LARGE1: variants seen among roughly 807,000 people sequenced by gnomAD.
The protein encoded by LARGE1 is LARGE xylosyl- and glucuronyltransferase 1.
A neutral mutation model predicts 87.6 loss-of-function variants in LARGE1; 43 were observed. That is an observed-to-expected ratio of 0.49 (90% CI 0.38 to 0.63). The LOEUF (loss-of-function observed/expected upper bound fraction) is 0.63, where lower values mean the gene tolerates loss of function less well. LARGE1 is among the 30% of genes least tolerant of loss of function. LARGE1 has a pLI of 0.00. For missense variants in LARGE1, 802 were observed against 1,000.2 expected (o/e 0.80, Z 2.67); for synonymous variants, 434 against 394.6 (o/e 1.10, Z -1.18).
chr22:33,603,710 G>A lies in LARGE1; in HGVS notation c.615+725C>T, dbSNP rs940830973. On this transcript the variant is annotated intron_variant, in intron 5 of 14. Transcript: ENST00000397394. ...TGCTACTTAGAGTTAAAGGAATAGC[G>A]AAGGTTTACGGGAATGCCAGTGACA... Among the ~76,000 whole-genome samples, 4 of 152,164 alleles carry A rather than the reference G, an allele frequency of 2.6e-5. No homozygotes were observed. In the South Asian group the frequency reaches 8.3e-4, roughly 32 times the overall value.
intron 2 of LARGE1, among the ~76,000 whole-genome samples, chr22:33,731,126 C>T (rs2083452613): frequency 6.6e-6 from 1 of 151,784 alleles, no homozygotes. Flanking sequence ...CCTCAGCCTT[C>T]CCAGTAGCTG....
intron 6 of LARGE1, among the ~76,000 whole-genome samples, chr22:33,461,184 A>C (rs2068366891): frequency 6.6e-6 from 1 of 152,198 alleles, no homozygotes; most frequent in East Asian, 1.9e-4. Context: ...GGTGGTTTTA[A>C]AATATGTCTC....
At chr22:33,304,777 A>AG (rs1934646319) in intron 11 of LARGE1, among the ~76,000 whole-genome samples, 1 of 152,194 alleles carries the variant, frequency 6.6e-6, no homozygotes. Context: ...TTTCAAAGCC[A>AG]GGTGGTGAGT....
chr22:33,430,027 G>A (rs1377437729), intron 7 of LARGE1, among the ~76,000 whole-genome samples: 6 of 152,154 alleles, frequency 3.9e-5, no homozygotes, highest in Admixed American at 3.9e-4. Flanking sequence ...CCAGTCTCCT[G>A]CACAGACCTA....
chr22:33,909,051 T>A (rs1023608394), intron 1 of LARGE1, among the ~76,000 whole-genome samples: 8 of 152,128 alleles, frequency 5.3e-5, no homozygotes, highest in African/African-American at 1.7e-4. Flanking sequence ...CTGAGCCCAT[T>A]TGAACAAACC....
intron 12 of LARGE1, among the ~76,000 whole-genome samples, chr22:33,288,168 T>C (rs574913494): frequency 1.6e-4 from 24 of 152,362 alleles, no homozygotes; most frequent in African/African-American, 4.1e-4. Flanking sequence ...AAGTGTTTCA[T>C]AGACGTGTTA....
intron 2 of LARGE1, among the ~76,000 whole-genome samples, chr22:33,703,589 A>G (rs1343265377): frequency 6.6e-6 from 1 of 152,220 alleles, no homozygotes; most frequent in African/African-American, 2.4e-5. Context: ...ATGCAGGAAG[A>G]GTCGGCGTCG....
chr22:33,452,393 G>C (rs927335850), intron 6 of LARGE1, among the ~76,000 whole-genome samples: 1 of 152,218 alleles, frequency 6.6e-6, no homozygotes, highest in Non-Finnish European at 1.5e-5. Context: ...CCTGCTCAGA[G>C]CAATGCCAGC....
intron 1 of LARGE1, among the ~76,000 whole-genome samples, chr22:33,805,801 T>C (rs979243771): frequency 3.3e-5 from 5 of 151,898 alleles, no homozygotes; most frequent in African/African-American, 1.2e-4. Context: ...ACAACCATCA[T>C]TATACCTAAC....
intron 1 of LARGE1, among the ~76,000 whole-genome samples, chr22:33,875,052 G>A (rs1440520016): frequency 1.3e-5 from 2 of 152,212 alleles, no homozygotes; most frequent in African/African-American, 4.8e-5. Context: ...TATGAGGTTA[G>A]GCCCAGTGGC....
chr22:33,130,179 T>C, the LARGE1 span, among the ~76,000 whole-genome samples: 2 of 150,742 alleles, frequency 1.3e-5, no homozygotes, highest in Non-Finnish European at 3.0e-5. Context: ...CCGGGCGTGG[T>C]GGTGGGCGCC....
intron 2 of LARGE1, among the ~76,000 whole-genome samples, chr22:33,674,105 C>T (rs1214425855): frequency 6.6e-6 from 1 of 150,642 alleles, no homozygotes; most frequent in East Asian, 2.0e-4. Flanking sequence ...CACTGCACCC[C>T]GCTAATTTTT....
intron 11 of LARGE1, among the ~76,000 whole-genome samples, chr22:33,199,932 C>T (rs1258507930): frequency 6.6e-6 from 1 of 151,940 alleles, no homozygotes; most frequent in Non-Finnish European, 1.5e-5. Context: ...TCACTGCAAC[C>T]TCTGCCTCCC....
Position 33,642,543 on chromosome 22 carries a change from C to T in LARGE1, c.408+7824G>A, listed in dbSNP as rs190593054. ...CAAATTCACACATAACAATATTAAC[C>T]TTAAATGTAAATGGGCTAAATGCCT... On this transcript the variant is annotated intron_variant, in intron 3 of 14. Coordinates refer to ENST00000397394, the MANE Select transcript of LARGE1 (RefSeq NM_133642.5). 3.3e-5 allele frequency among the ~76,000 whole-genome samples: 5 copies of T among 151,774 alleles called. No homozygotes were observed. In the East Asian group the frequency reaches 7.7e-4, roughly 24 times the overall value.
chr22:33,432,061 G>A, intron 7 of LARGE1, 100 bp downstream of exon 7: 1 of 899,000 alleles, frequency 1.1e-6, no homozygotes, highest in East Asian at 2.5e-5. Context: ...GCAATCAGGT[G>A]GCCTCCTCCT....
intron 11 of LARGE1, among the ~76,000 whole-genome samples, chr22:33,170,095 T>G (rs1922483461): frequency 6.6e-6 from 1 of 151,954 alleles, no homozygotes; most frequent in African/African-American, 2.4e-5. Context: ...ATGAGATTAT[T>G]GCCCTGGGCT....
intron 1 of LARGE1, among the ~76,000 whole-genome samples, chr22:33,763,593 T>G (rs898125482): frequency 2.0e-5 from 3 of 152,046 alleles, no homozygotes; most frequent in African/African-American, 4.8e-5. Flanking sequence ...GGCTGTGCAG[T>G]TAGAGAGATG....
At chr22:33,488,223 C>A (rs1329198839) in intron 6 of LARGE1, among the ~76,000 whole-genome samples, 1 of 152,202 alleles carries the variant, frequency 6.6e-6, no homozygotes, top group African/African-American at 2.4e-5. Flanking sequence ...TAAATTAAAA[C>A]TCAGTTCTTT....
At position 33,355,399 on chromosome 22, in the gene LARGE1, TA is replaced by T. The variant is rs1940795264; in HGVS notation, c.1132-17599del. ...CACTAAGTGTCTTCAAACCCTTGCA[TA>T]CAACGGGCACTCAATACTGGGTAGC... On this transcript the variant is annotated intron_variant, in intron 9 of 14. Transcript: ENST00000397394. Among the ~76,000 whole-genome samples the T allele has an allele frequency of 2.0e-5, 3 of 152,220 alleles. No individual in the cohort carries two copies. The South Asian group carries it at 6.2e-4, about 32-fold the overall frequency.
Sources: allele counts gnomAD v4.1 joint callset (sites outside exome capture counted in the v4.1 genomes callset), GRCh38; gene constraint gnomAD v4.1.1; transcripts MANE v1.5; gene names NCBI Gene and HGNC (gene_info 2026-07-23, HGNC 2026-07-21).